Variants in PPP1R9A observed in about 807,000 individuals in gnomAD.
PPP1R9A encodes the protein protein phosphatase 1 regulatory subunit 9A.
PPP1R9A carries 59 observed loss-of-function variants against 141.9 expected under a neutral mutation model. The observed-to-expected ratio is 0.42, with a 90% CI of 0.34 to 0.52. The LOEUF (loss-of-function observed/expected upper bound fraction) is 0.52, where lower values mean the gene tolerates loss of function less well. PPP1R9A is among the 20% of genes least tolerant of loss of function. PPP1R9A has a pLI of 0.10. For synonymous variants in PPP1R9A, 500 were observed against 569.7 expected, an observed-to-expected ratio of 0.88 and a Z score of 1.74; for missense variants, 1,444 against 1,611.9, an observed-to-expected ratio of 0.90 and a Z score of 1.78.
chr7:94,996,959 C>T (rs556274665), intron 2 of PPP1R9A, among the ~76,000 whole-genome samples: 6 of 152,122 alleles, frequency 3.9e-5, no homozygotes, highest in Admixed American at 6.5e-5. Context: ...TGTGCTACCA[C>T]GCCCGGCTAA....
intron 14 of PPP1R9A, among the ~76,000 whole-genome samples, chr7:95,272,452 CAA>C (rs1330742187): frequency 2.6e-5 from 4 of 152,122 alleles, no homozygotes; most frequent in African/African-American, 9.7e-5. Flanking sequence ...TTCAGTTACC[CAA>C]AGAGTAATGA....
chr7:94,984,462 G>C (rs1481851837), intron 2 of PPP1R9A, among the ~76,000 whole-genome samples: 1 of 152,018 alleles, frequency 6.6e-6, no homozygotes, highest in East Asian at 1.9e-4. Flanking sequence ...ATCTGGTCTC[G>C]GAGTTTTTTT....
intron 2 of PPP1R9A, among the ~76,000 whole-genome samples, chr7:94,955,525 G>A (rs1796990925): frequency 6.6e-6 from 1 of 151,660 alleles, no homozygotes; most frequent in Non-Finnish European, 1.5e-5. Flanking sequence ...TCTAATTGCT[G>A]TTCTGTTCTA....
At chr7:95,118,541 C>A (rs1202302438) in intron 3 of PPP1R9A, among the ~76,000 whole-genome samples, 1 of 152,148 alleles carries the variant, frequency 6.6e-6, no homozygotes, top group Non-Finnish European at 1.5e-5. Flanking sequence ...ACAAATCACA[C>A]TTTTGCCAAG....
chr7:95,290,918 A>T lies in PPP1R9A; in HGVS notation c.*615A>T, dbSNP rs867055272. On this transcript the variant is annotated 3_prime_UTR_variant, in exon 20 of 20. Transcript: ENST00000433360. ...AAGCAAGTCATTCTGCTTGCTAGGC[A>T]TCAAAAAGAAAGAAAATAAATTATA... 2 of 152,364 alleles carry T rather than the reference A, an allele frequency of 1.3e-5. No individual in the cohort carries two copies. Among genetic ancestry groups the T allele is most frequent in the African/African-American group, 4.8e-5 (2 of 41,464 alleles). 9.4% of individuals were successfully genotyped at this position (152,364 alleles called of 1,614,324 possible). A position where few individuals can be genotyped will look rare whatever the true frequency, so the allele number is the denominator to read the frequency against.
rs78706183 is a variant in PPP1R9A, at chr7:94,909,963, A to C, written c.-151A>C. ...ACTCTTGACTGTGACTAAGTTCCTA[A>C]TACACCTGTTGGGACGATCACTGAC... On this transcript the variant is annotated 5_prime_UTR_variant, in exon 2 of 20. Transcript: ENST00000433360. 9.2e-3 allele frequency: 5,719 copies of C among 622,830 alleles called. 38 individuals carry two copies. Among genetic ancestry groups the C allele is most frequent in the Non-Finnish European group, 0.012 (4,464 of 362,218 alleles). The allele number at this position is 622,830 out of a possible 1,614,324, so 38.6% of individuals were successfully genotyped here. A position where few individuals can be genotyped will look rare whatever the true frequency, so the allele number is the denominator to read the frequency against.
chr7:95,041,289 T>C lies in PPP1R9A; in HGVS notation c.1396-69970T>C, dbSNP rs17166603. ...TTTAGAATGATCCCCTGCGTCTGTT[T>C]GTAATCTGCAGAGACTGTCATGCAG... On this transcript the variant is annotated intron_variant, in intron 2 of 19. Coordinates refer to ENST00000433360, the MANE Select transcript of PPP1R9A (RefSeq NM_001166160.2). Among the ~76,000 whole-genome samples the C allele has an allele frequency of 4.3e-4, 65 of 152,316 alleles. 1 individual carries two copies. In the East Asian group the frequency reaches 0.011, roughly 26 times the overall value.
intron 4 of PPP1R9A, among the ~76,000 whole-genome samples, chr7:95,148,712 A>C (rs1472150993): frequency 4.6e-5 from 7 of 151,720 alleles, no homozygotes; most frequent in Non-Finnish European, 2.9e-5. Context: ...AAAAATTAAC[A>C]ACCTTCAAAA....
intron 4 of PPP1R9A, among the ~76,000 whole-genome samples, chr7:95,137,250 A>G (rs1166644057): frequency 7.7e-6 from 1 of 130,510 alleles, no homozygotes; most frequent in Non-Finnish European, 1.6e-5. Context: ...CAACCCCACA[A>G]GAGACTCTGG....
intron 2 of PPP1R9A, among the ~76,000 whole-genome samples, chr7:95,075,826 G>A (rs1322223104): frequency 6.6e-6 from 1 of 151,828 alleles, no homozygotes; most frequent in Non-Finnish European, 1.5e-5. Context: ...GACAGAGCGA[G>A]ACTCCATCTC....
chr7:95,232,165 A>G (rs1429884987), intron 8 of PPP1R9A, among the ~76,000 whole-genome samples: 1 of 152,160 alleles, frequency 6.6e-6, no homozygotes, highest in Non-Finnish European at 1.5e-5. Flanking sequence ...TCCTGGAAAT[A>G]TACAATCACC....
At chr7:94,963,148 A>T (rs1584413300) in intron 2 of PPP1R9A, among the ~76,000 whole-genome samples, 1 of 152,122 alleles carries the variant, frequency 6.6e-6, no homozygotes, top group South Asian at 2.1e-4. Flanking sequence ...ATATTAAAAT[A>T]TATTTAATAT....
At chr7:95,179,245 C>G (rs928059469) in intron 5 of PPP1R9A, among the ~76,000 whole-genome samples, 3 of 151,998 alleles carry the variant, frequency 2.0e-5, no homozygotes, top group African/African-American at 7.2e-5. Flanking sequence ...ATGTGATACA[C>G]TACATAAACA....
chr7:95,047,990 T>G (rs1030886240), intron 2 of PPP1R9A, among the ~76,000 whole-genome samples: 4 of 152,200 alleles, frequency 2.6e-5, no homozygotes, highest in Non-Finnish European at 5.9e-5. Context: ...AAGACTTTAA[T>G]TATACTTTCC....
chr7:95,034,345 AT>A (rs113177206), intron 2 of PPP1R9A, among the ~76,000 whole-genome samples: 3,967 of 152,256 alleles, frequency 0.026, 168 homozygotes, highest in African/African-American at 0.09. Context: ...AATTAAAAAA[AT>A]ATTCTAAGCA....
At chr7:95,117,123 G>C (rs1242810819) in intron 3 of PPP1R9A, among the ~76,000 whole-genome samples, 1 of 152,150 alleles carries the variant, frequency 6.6e-6, no homozygotes, top group Admixed American at 6.5e-5. Context: ...CCAGAAGTTA[G>C]AAAATAAGCT....
intron 12 of PPP1R9A, among the ~76,000 whole-genome samples, chr7:95,261,338 A>G (rs186542450): frequency 5.9e-5 from 9 of 152,342 alleles, no homozygotes; most frequent in Non-Finnish European, 1.0e-4. Flanking sequence ...CAATTAGAGT[A>G]TCAGGTCCAT....
chr7:94,952,961 A>G (rs865826858), intron 2 of PPP1R9A, among the ~76,000 whole-genome samples: 15 of 151,998 alleles, frequency 9.9e-5, no homozygotes, highest in South Asian at 4.1e-4. Flanking sequence ...CTTTAGTTTA[A>G]CTGGAGCCCA....
At chr7:94,932,741 G>T (rs1031188771) in intron 2 of PPP1R9A, among the ~76,000 whole-genome samples, 1 of 150,818 alleles carries the variant, frequency 6.6e-6, no homozygotes, top group Non-Finnish European at 1.5e-5. Flanking sequence ...GATGGTGCTG[G>T]GCATTCCAAT....
Sources: allele counts gnomAD v4.1 joint callset (sites outside exome capture counted in the v4.1 genomes callset), GRCh38; gene constraint gnomAD v4.1.1; transcripts MANE v1.5; gene names NCBI Gene and HGNC (gene_info 2026-07-23, HGNC 2026-07-21).